The following LRP1B variants were observed in gnomAD, a reference collection of about 807,000 sequenced individuals.
LRP1B encodes the protein LDL receptor related protein 1B, also known as low-density lipoprotein receptor-related protein 1B.
Under a neutral mutation model 556.6 loss-of-function variants are expected in LRP1B, and 217 were observed. The ratio of observed to expected loss-of-function variants is 0.39; its 90% confidence interval spans 0.35 to 0.44. The LOEUF (loss-of-function observed/expected upper bound fraction) is 0.44. Ranked by LOEUF, LRP1B falls within the 20% of genes least tolerant of loss-of-function variation. The pLI is 1.00. For missense variants in LRP1B, 5,053 were observed against 5,620.8 expected (o/e 0.90, Z 3.23); for synonymous variants, 2,047 against 1,865.8 (o/e 1.10, Z -2.50).
chr2:141,335,281 C>T (rs1401765135), intron 3 of LRP1B, among the ~76,000 whole-genome samples: 3 of 152,094 alleles, frequency 2.0e-5, no homozygotes, highest in Non-Finnish European at 4.4e-5. Context: ...TGGAACAATA[C>T]TGTTACATGA....
chr2:140,954,520 C>T (rs1183016016), intron 18 of LRP1B, among the ~76,000 whole-genome samples: 1 of 151,900 alleles, frequency 6.6e-6, no homozygotes, highest in Non-Finnish European at 1.5e-5. Context: ...CATCTGAAAA[C>T]TTTTGAAACT....
intron 88 of LRP1B, among the ~76,000 whole-genome samples, chr2:140,238,665 G>T (rs10928744): frequency 0.91 from 137,210 of 150,854 alleles, 62,533 homozygotes; most frequent in East Asian, 0.98. Flanking sequence ...TTTTACATAA[G>T]TCAAATACTG....
intron 3 of LRP1B, among the ~76,000 whole-genome samples, chr2:141,294,842 A>T (rs1686121397): frequency 6.6e-6 from 1 of 151,654 alleles, no homozygotes; most frequent in Non-Finnish European, 1.5e-5. Flanking sequence ...AATAAGATTT[A>T]TTTCTATTTT....
At chr2:141,440,378 T>C (rs1351299028) in intron 3 of LRP1B, among the ~76,000 whole-genome samples, 1 of 152,192 alleles carries the variant, frequency 6.6e-6, no homozygotes, top group Non-Finnish European at 1.5e-5. Context: ...ACTGAACTCC[T>C]AGTTGAAAAT....
At chr2:140,261,302 C>G (rs1681925902) in intron 86 of LRP1B, among the ~76,000 whole-genome samples, 1 of 151,760 alleles carries the variant, frequency 6.6e-6, no homozygotes, top group African/African-American at 2.4e-5. Context: ...TAGTTTTATA[C>G]TATTCTAGTG....
At chr2:141,302,029 A>G (rs1686414411) in intron 3 of LRP1B, among the ~76,000 whole-genome samples, 1 of 152,164 alleles carries the variant, frequency 6.6e-6, no homozygotes, top group South Asian at 2.1e-4. Flanking sequence ...AATTATATAT[A>G]CATATATACA....
chr2:140,586,066 T>TA (rs1224453513), intron 43 of LRP1B, among the ~76,000 whole-genome samples: 1 of 152,144 alleles, frequency 6.6e-6, no homozygotes, highest in Non-Finnish European at 1.5e-5. Context: ...TCTGAATGTC[T>TA]AAAAATCTAT....
intron 2 of LRP1B, among the ~76,000 whole-genome samples, chr2:141,738,138 C>T (rs1354418255): frequency 2.0e-5 from 3 of 152,114 alleles, no homozygotes; most frequent in Admixed American, 6.5e-5. Context: ...GAAAGCTACA[C>T]TCTGTACATA....
Position 141,660,013 on chromosome 2 carries a change from A to C in LRP1B, c.205+150266T>G, listed in dbSNP as rs570350488. Among the ~76,000 whole-genome samples, 272 of 152,200 alleles carry C rather than the reference A, an allele frequency of 1.8e-3. 1 individual carries two copies. The highest frequency in any genetic ancestry group is 5.9e-3 in the African/African-American group (247 of 41,538). ...TGACAAAGGAGAAAATCCCATTAAG[A>C]ATGTTTCCCTGGCAGAGAGGGGCCA... On this transcript the variant is annotated intron_variant, in intron 2 of 90. Transcript: ENST00000389484.
chr2:141,606,449 A>C (rs1357753942), intron 2 of LRP1B, among the ~76,000 whole-genome samples: 1 of 152,204 alleles, frequency 6.6e-6, no homozygotes, highest in Non-Finnish European at 1.5e-5. Flanking sequence ...ATAGCATGGA[A>C]ACTTAAATGG....
At chr2:141,173,695 G>A (rs1680607480) in intron 7 of LRP1B, among the ~76,000 whole-genome samples, 1 of 151,988 alleles carries the variant, frequency 6.6e-6, no homozygotes, top group African/African-American at 2.4e-5. Context: ...AATTAAAAGG[G>A]TCATAAGGTT....
intron 2 of LRP1B, among the ~76,000 whole-genome samples, chr2:141,486,269 C>G (rs1225428329): frequency 6.6e-6 from 1 of 152,094 alleles, no homozygotes; most frequent in East Asian, 1.9e-4. Flanking sequence ...ACCAATTAGT[C>G]AAAATAGATT....
At chr2:142,052,785 T>C (rs1451409295) in intron 1 of LRP1B, among the ~76,000 whole-genome samples, 2 of 151,984 alleles carry the variant, frequency 1.3e-5, no homozygotes, top group Admixed American at 1.3e-4. Context: ...CACACAAGTA[T>C]GGGAATTTGC....
At chr2:141,071,120 C>T (rs986390400) in intron 7 of LRP1B, among the ~76,000 whole-genome samples, 2 of 151,558 alleles carry the variant, frequency 1.3e-5, no homozygotes, top group Non-Finnish European at 1.5e-5. Context: ...AATACTGGCA[C>T]ACCAAATCCA....
chr2:141,311,563 T>C (rs1046160641), intron 3 of LRP1B, among the ~76,000 whole-genome samples: 1 of 152,162 alleles, frequency 6.6e-6, no homozygotes, highest in African/African-American at 2.4e-5. Flanking sequence ...TTTCATATGC[T>C]GTCAGTAGGT....
At chr2:141,469,786 G>T (rs142011640) in intron 3 of LRP1B, among the ~76,000 whole-genome samples, 1 of 152,106 alleles carries the variant, frequency 6.6e-6, no homozygotes, top group African/African-American at 2.4e-5. Flanking sequence ...TCATTGGAAT[G>T]TCCTTTCTTA....
intron 1 of LRP1B, among the ~76,000 whole-genome samples, chr2:141,997,723 ATTC>A (rs956886851): frequency 2.0e-5 from 3 of 149,720 alleles, no homozygotes; most frequent in Non-Finnish European, 4.4e-5. Flanking sequence ...AGAGTACTTT[ATTC>A]TTCTCAGTTG....
At chr2:141,025,013 A>C (rs1042186130) in intron 11 of LRP1B, among the ~76,000 whole-genome samples, 1 of 152,110 alleles carries the variant, frequency 6.6e-6, no homozygotes, top group South Asian at 2.1e-4. Context: ...AAGAAAAAAC[A>C]GTAAGTGTCT....
intron 7 of LRP1B, among the ~76,000 whole-genome samples, chr2:141,133,220 T>G (rs1181795216): frequency 3.3e-5 from 5 of 151,086 alleles, no homozygotes; most frequent in Non-Finnish European, 5.9e-5. Context: ...ATTCAGAATC[T>G]CCTACATCTT....
Sources: gnomAD v4.1 joint callset for allele counts (sites outside exome capture counted in the v4.1 genomes callset) on GRCh38, gnomAD v4.1.1 for gene constraint, MANE v1.5 for transcripts, NCBI Gene and HGNC (gene_info 2026-07-23, HGNC 2026-07-21) for gene names.